TBC1D22A: variants seen among roughly 807,000 people sequenced by gnomAD.
The protein encoded by TBC1D22A is putative GTPase activator.
In TBC1D22A, 38 loss-of-function variants were observed where a neutral mutation model predicts 60.2. The ratio of observed to expected loss-of-function variants is 0.63; its 90% CI spans 0.49 to 0.83. TBC1D22A has a LOEUF of 0.83. TBC1D22A is among the 40% of genes least tolerant of loss of function. The probability of loss-of-function intolerance (pLI) is 0.00; values close to 1 mark genes in which losing one functional copy is unlikely to be tolerated. For missense variants in TBC1D22A, 628 were observed against 701.0 expected (o/e 0.90, Z 1.18); for synonymous variants, 302 against 281.7 (o/e 1.07, Z -0.72).
intron 1 of TBC1D22A, among the ~76,000 whole-genome samples, chr22:46,769,977 T>C (rs1044203014): frequency 6.6e-6 from 1 of 152,114 alleles, no homozygotes; most frequent in Non-Finnish European, 1.5e-5. Flanking sequence ...GGCAGAATAC[T>C]GGCCCCCTAA....
At chr22:47,144,104 G>C (rs2147153134) in intron 12 of TBC1D22A, among the ~76,000 whole-genome samples, 1 of 152,318 alleles carries the variant, frequency 6.6e-6, no homozygotes, top group African/African-American at 2.4e-5. Flanking sequence ...AGACATGGGA[G>C]ACAAACCATT....
chr22:46,867,958 C>T (rs903878418), intron 4 of TBC1D22A, among the ~76,000 whole-genome samples: 1 of 152,252 alleles, frequency 6.6e-6, no homozygotes, highest in African/African-American at 2.4e-5. Context: ...AAAACAAAAA[C>T]CAAAAAGCAA....
chr22:46,999,837 A>G (rs1026612352), intron 10 of TBC1D22A, among the ~76,000 whole-genome samples: 1 of 151,984 alleles, frequency 6.6e-6, no homozygotes, highest in East Asian at 1.9e-4. Context: ...CATCCTGGTT[A>G]ACATGGTGAA....
In TBC1D22A at chr22:46,793,790, G is replaced by A. The variant is rs543478811; in HGVS notation, c.409G>A (p.Asp137Asn). 14 of 1,599,406 alleles carry A rather than the reference G, an allele frequency of 8.8e-6. No individual in the cohort carries two copies. Among genetic ancestry groups the A allele is most frequent in the Middle Eastern group, 1.7e-4 (1 of 5,986 alleles). Reference protein sequence around the residue: ...EAEPPSPPSGDLRLVKSVSES... With the variant: ...EAEPPSPPSGNLRLVKSVSES... ...AGAGCCGCCCTCACCCCCCAGCGGC[G>A]ACCTCCGGCTGGTGAAGTCGGTCAG... Residue 137 changes from aspartate (D) to asparagine (N), a missense_variant, in exon 3 of 13, where the codon GAC becomes AAC. Transcript: ENST00000337137.
At chr22:46,969,969 T>C (rs1361834048) in intron 8 of TBC1D22A, among the ~76,000 whole-genome samples, 1 of 152,214 alleles carries the variant, frequency 6.6e-6, no homozygotes, top group African/African-American at 2.4e-5. Context: ...TGCAAAAATG[T>C]CACTGTAGAA....
rs6009097 is a variant in TBC1D22A at position 47,008,630 on chromosome 22, G to T, written c.1201+10921G>T. Among the ~76,000 whole-genome samples, 7 of 152,194 alleles carry T rather than the reference G, an allele frequency of 4.6e-5. No homozygotes were observed. The South Asian group carries it at 1.4e-3, about 31-fold the overall frequency. ...GTATCTGCAGGAAGGATAGGACAAC[G>T]ATGGGCTGCAGCAAGGGGCAAGGCT... On this transcript the variant is annotated intron_variant, in intron 10 of 12. Coordinates refer to ENST00000337137, the MANE Select transcript of TBC1D22A (RefSeq NM_014346.5).
At chr22:46,805,796 C>A (rs1403849690) in intron 4 of TBC1D22A, among the ~76,000 whole-genome samples, 1 of 150,878 alleles carries the variant, frequency 6.6e-6, no homozygotes, top group African/African-American at 2.4e-5. Flanking sequence ...CCCCCCCACA[C>A]CCCCCACCCG....
At chr22:46,836,156 A>G (rs554795380) in intron 4 of TBC1D22A, among the ~76,000 whole-genome samples, 82 of 152,370 alleles carry the variant, frequency 5.4e-4, no homozygotes, top group African/African-American at 1.9e-3. Flanking sequence ...AAAAGTAAGT[A>G]TGTAGTCAAA....
chr22:46,877,311 G>A (rs547427700), intron 4 of TBC1D22A, among the ~76,000 whole-genome samples: 1 of 152,346 alleles, frequency 6.6e-6, no homozygotes, highest in Admixed American at 6.5e-5. Context: ...GTCTCATTAT[G>A]TATATTCAGG....
intron 12 of TBC1D22A, among the ~76,000 whole-genome samples, chr22:47,144,505 C>T (rs761804622): frequency 1.3e-5 from 2 of 152,242 alleles, no homozygotes; most frequent in Non-Finnish European, 2.9e-5. Context: ...CAGCGTCCCT[C>T]CTTGGCCCCT....
At chr22:46,968,343 C>T (rs766492374) in intron 8 of TBC1D22A, among the ~76,000 whole-genome samples, 20 of 152,242 alleles carry the variant, frequency 1.3e-4, no homozygotes, top group Non-Finnish European at 2.5e-4. Context: ...GGTGTGTTAC[C>T]TGCAGCCTCC....
At chr22:47,078,871 G>A (rs1481398731) in intron 11 of TBC1D22A, among the ~76,000 whole-genome samples, 2 of 152,132 alleles carry the variant, frequency 1.3e-5, no homozygotes, top group Non-Finnish European at 2.9e-5. Context: ...AGCTGCTGTA[G>A]TATGATAGAG....
intron 8 of TBC1D22A, among the ~76,000 whole-genome samples, chr22:46,958,297 G>A (rs571620302): frequency 1.3e-5 from 2 of 152,300 alleles, no homozygotes; most frequent in East Asian, 3.9e-4. Flanking sequence ...GTACAAGCTG[G>A]CTGCCTGTTC....
chr22:47,105,164 A>C (rs1346826407), intron 11 of TBC1D22A, among the ~76,000 whole-genome samples: 2 of 152,154 alleles, frequency 1.3e-5, no homozygotes, highest in Non-Finnish European at 2.9e-5. Context: ...CATAAAAAAA[A>C]AACCTAGCTC....
chr22:47,075,847 A>T (rs2064183797), intron 11 of TBC1D22A, among the ~76,000 whole-genome samples: 1 of 152,100 alleles, frequency 6.6e-6, no homozygotes, highest in Non-Finnish European at 1.5e-5. Flanking sequence ...AATTTTATAA[A>T]TGGAAAGAAA....
chr22:47,095,997 A>G (rs1459433540), intron 11 of TBC1D22A, among the ~76,000 whole-genome samples: 1 of 152,204 alleles, frequency 6.6e-6, no homozygotes, highest in Admixed American at 6.5e-5. Context: ...ACTAGAAAAG[A>G]CCACTTCAGA....
chr22:46,849,639 G>A (rs143788257), intron 4 of TBC1D22A, among the ~76,000 whole-genome samples: 3 of 152,320 alleles, frequency 2.0e-5, no homozygotes, highest in African/African-American at 7.2e-5. Flanking sequence ...GGAAATGTGG[G>A]TCACACAACC....
intron 8 of TBC1D22A, among the ~76,000 whole-genome samples, chr22:46,971,243 G>A (rs760859635): frequency 6.6e-6 from 1 of 152,192 alleles, no homozygotes; most frequent in South Asian, 2.1e-4. Context: ...CCAAGAGAGC[G>A]AGGCTCCTGC....
chr22:46,785,097 C>T (rs975624332), intron 1 of TBC1D22A, among the ~76,000 whole-genome samples: 2 of 152,202 alleles, frequency 1.3e-5, no homozygotes, highest in South Asian at 4.1e-4. Context: ...ATAGAGCAAG[C>T]ATTTGATTCT....
Sources: gnomAD v4.1 joint callset for allele counts (sites outside exome capture counted in the v4.1 genomes callset) on GRCh38, gnomAD v4.1.1 for gene constraint, MANE v1.5 for transcripts, NCBI Gene and HGNC (gene_info 2026-07-23, HGNC 2026-07-21) for gene names.